Variants in TMT1A observed in about 807,000 individuals in gnomAD.
The protein encoded by TMT1A is thiol methyltransferase 1A.
At chr12:50,925,542 T>A in the TMT1A span, 3 of 1,610,556 alleles carry the variant, frequency 1.9e-6, no homozygotes, top group Non-Finnish European at 2.5e-6. Context: ...GACCGGTGAG[T>A]GAAAGGGTGT....
At chr12:50,927,941 C>T in the TMT1A span, among the ~76,000 whole-genome samples, 2 of 152,120 alleles carry the variant, frequency 1.3e-5, no homozygotes, top group Admixed American at 1.3e-4. Context: ...CTCCTTGCCT[C>T]AGCCTCCCGA....
At chr12:50,926,063 G>GAA in the TMT1A span, among the ~76,000 whole-genome samples, 11 of 91,846 alleles carry the variant, frequency 1.2e-4, no homozygotes, top group East Asian at 3.0e-3. Flanking sequence ...AAAAGAATAA[G>GAA]AAAAAAAAAC....
At chr12:50,929,898 T>C in the TMT1A span, 1 of 1,552,170 alleles carries the variant, frequency 6.4e-7, no homozygotes, top group Non-Finnish European at 8.7e-7. Context: ...TGTTTTTTTT[T>C]TTCTTTCTTT....
At chr12:50,929,035 C>T in the TMT1A span, among the ~76,000 whole-genome samples, 20 of 151,804 alleles carry the variant, frequency 1.3e-4, no homozygotes, top group South Asian at 8.3e-4. Context: ...CTCAGGAGTT[C>T]GAGACCAGCC....
At chr12:50,925,460 T>C in the TMT1A span, 1 of 1,614,204 alleles carries the variant, frequency 6.2e-7, no homozygotes, top group Non-Finnish European at 8.5e-7. Context: ...GTGGATGTGG[T>C]GGTCTGCACC....
the TMT1A span, among the ~76,000 whole-genome samples, chr12:50,927,319 G>A: frequency 3.9e-5 from 6 of 152,192 alleles, no homozygotes; most frequent in Non-Finnish European, 8.8e-5. Context: ...GAGCCACCAT[G>A]CCCAACCATC....
chr12:50,927,797 G>A, the TMT1A span, among the ~76,000 whole-genome samples: 4 of 152,198 alleles, frequency 2.6e-5, no homozygotes, highest in African/African-American at 9.6e-5. Flanking sequence ...TACACAGCTA[G>A]TAGACATGGC....
At chr12:50,930,018 G>A in the TMT1A span, 6 of 1,613,982 alleles carry the variant, frequency 3.7e-6, no homozygotes, top group African/African-American at 1.3e-5. Flanking sequence ...TGTTTGATGG[G>A]TGCAACCTGA....
chr12:50,929,889 GTTTT>G, the TMT1A span: 35 of 1,241,018 alleles, frequency 2.8e-5, no homozygotes, highest in Non-Finnish European at 3.7e-5. Context: ...TCCTTGAAAT[GTTTT>G]TTTTTTTCTT....
the TMT1A span, among the ~76,000 whole-genome samples, chr12:50,928,028 T>C: frequency 1.3e-5 from 2 of 152,188 alleles, no homozygotes; most frequent in African/African-American, 4.8e-5. Context: ...TTTCACCATG[T>C]TGGCCGGGCT....
chr12:50,926,004 G>A, the TMT1A span, among the ~76,000 whole-genome samples: 1 of 64,062 alleles, frequency 1.6e-5, no homozygotes, highest in Admixed American at 2.6e-4. Flanking sequence ...GCAACAGAGT[G>A]AAACTCCATC....
chr12:50,925,667 A>T, the TMT1A span: 5 of 1,132,006 alleles, frequency 4.4e-6, no homozygotes, highest in South Asian at 1.8e-5. Context: ...AGAATTTTTT[A>T]AAATTTTAGC....
the TMT1A span, among the ~76,000 whole-genome samples, chr12:50,925,789 A>G: frequency 3.3e-5 from 5 of 152,154 alleles, no homozygotes; most frequent in Non-Finnish European, 7.3e-5. Context: ...CTGTAATCCC[A>G]GCATTTTGGG....
At chr12:50,925,056 T>C in the TMT1A span, 3 of 1,614,152 alleles carry the variant, frequency 1.9e-6, no homozygotes, top group East Asian at 2.2e-5. Context: ...TTACCATCTT[T>C]ATCCTGAGAC....
the TMT1A span, among the ~76,000 whole-genome samples, chr12:50,926,016 CAAAAAAAAAAAAAAAA>C: frequency 2.6e-3 from 68 of 26,076 alleles, 1 homozygote; most frequent in Admixed American, 0.021. Flanking sequence ...AACTCCATCT[CAAAAAAAAAAAAAAAA>C]AAAAAAAGAA....
At chr12:50,931,409 T>C in the TMT1A span, 1 of 151,762 alleles carries the variant, frequency 6.6e-6, no homozygotes, top group African/African-American at 2.4e-5. Context: ...TAAATTGTGT[T>C]TTAAAAAAAG....
the TMT1A span, among the ~76,000 whole-genome samples, chr12:50,927,132 G>A: frequency 1.3e-5 from 2 of 152,042 alleles, no homozygotes; most frequent in East Asian, 1.9e-4. Flanking sequence ...CAATCTTTCC[G>A]TCTCAGCCTC....
the TMT1A span, chr12:50,931,498 G>A: frequency 6.6e-6 from 1 of 150,688 alleles, no homozygotes; most frequent in African/African-American, 2.4e-5. Flanking sequence ...TCACGAGGTA[G>A]GAGTTAAAGA....
the TMT1A span, chr12:50,930,984 C>G: frequency 6.6e-6 from 1 of 152,036 alleles, no homozygotes; most frequent in African/African-American, 2.4e-5. Flanking sequence ...ATCAAAAAAA[C>G]AGCTTTGAAC....
Sources: gnomAD v4.1 joint callset for allele counts (sites outside exome capture counted in the v4.1 genomes callset) on GRCh38, gnomAD v4.1.1 for gene constraint, MANE v1.5 for transcripts, NCBI Gene and HGNC (gene_info 2026-07-23, HGNC 2026-07-21) for gene names.